RICTOR: variants seen among roughly 807,000 people sequenced by gnomAD.
The protein encoded by RICTOR is rapamycin-insensitive companion of mTOR.
Under a neutral mutation model 214.9 loss-of-function variants are expected in RICTOR, and 49 were observed. The observed-to-expected ratio is 0.23, with a 90% CI of 0.18 to 0.29. RICTOR has a LOEUF of 0.29. RICTOR is among the 10% of genes least tolerant of loss of function. The probability of loss-of-function intolerance (pLI) is 1.00; values close to 1 mark genes in which losing one functional copy is unlikely to be tolerated. For synonymous variants in RICTOR, 717 were observed against 711.3 expected (o/e 1.01, Z -0.13); for missense variants, 1,625 against 2,047.0 (o/e 0.79, Z 3.98).
intron 2 of RICTOR, among the ~76,000 whole-genome samples, chr5:39,049,312 G>C (rs1219677135): frequency 1.3e-5 from 2 of 151,742 alleles, no homozygotes; most frequent in African/African-American, 4.8e-5. Flanking sequence ...GATATAAAAA[G>C]ACTAAAAATC....
chr5:38,943,175 AT>A (rs1747789501), intron 36 of RICTOR: 1 of 447,438 alleles, frequency 2.2e-6, no homozygotes. Context: ...TTTAAAAAAA[AT>A]GATTATCAAA....
At chr5:38,959,063 A>T in intron 22 of RICTOR, 132 bp downstream of exon 22, 1 of 760,586 alleles carries the variant, frequency 1.3e-6, no homozygotes, top group Non-Finnish European at 2.0e-6. Context: ...AGTTCCTTGG[A>T]GAAACTAAAA....
At position 38,962,357 on chromosome 5, in the gene RICTOR, G is replaced by T; in HGVS notation, c.1673C>A (p.Pro558Gln). The stretch of plus-strand genomic sequence containing the variant: ...TTTATAGTTTCTTAGATTTACATTT[G>T]GCCACTAGAAAAACATAATATGTTA... Reference protein sequence around the residue: ...WNLIGTILKWPNVNLRNYKDE... With the variant: ...WNLIGTILKWQNVNLRNYKDE... Residue 558 changes from proline to glutamine, a missense_variant, in exon 19 of 38, where the codon CCA becomes CAA. By Grantham distance (76) the Pro-to-Gln change is moderately conservative. This residue lies in a region of RICTOR where 1,214 missense variants were observed against 1,470.5 expected (regional missense o/e 0.83). Coordinates refer to ENST00000357387, the MANE Select transcript of RICTOR (RefSeq NM_152756.5). The T allele has an allele frequency of 7.2e-7, 1 of 1,398,056 alleles. No individual in the cohort carries two copies. The highest frequency in any genetic ancestry group is 1.0e-6 in the Non-Finnish European group (1 of 1,000,126). 86.6% of individuals were successfully genotyped at this position (1,398,056 alleles called of 1,614,324 possible). A position where few individuals can be genotyped will look rare whatever the true frequency, so the allele number is the denominator to read the frequency against.
chr5:39,064,052 C>T lies in RICTOR; in HGVS notation c.97+10059G>A, dbSNP rs535844286. On this transcript the variant is annotated intron_variant, in intron 2 of 37. Coordinates refer to ENST00000357387, the MANE Select transcript of RICTOR (RefSeq NM_152756.5). ...GCTGGAAGCCTCTAAAAGAGGAATA[C>T]GAAGAATATACTTATATTTAGGTTC... Among the ~76,000 whole-genome samples, 27 of 152,230 alleles carry T rather than the reference C, an allele frequency of 1.8e-4. No homozygotes were observed. The South Asian group carries it at 5.2e-3, about 29-fold the overall frequency.
At chr5:38,984,780 T>C (rs1190694595) in intron 7 of RICTOR, among the ~76,000 whole-genome samples, 1 of 152,146 alleles carries the variant, frequency 6.6e-6, no homozygotes, top group African/African-American at 2.4e-5. Context: ...ATTTCTTTGA[T>C]AATAAGTGAG....
At chr5:38,954,702 T>C in intron 27 of RICTOR, 72 bp downstream of exon 27, 14 of 927,944 alleles carry the variant, frequency 1.5e-5, no homozygotes, top group Non-Finnish European at 2.3e-5. Flanking sequence ...AAAGGTAATA[T>C]TTTAGCAATG....
chr5:38,998,071 G>C (rs1753308684), intron 5 of RICTOR, among the ~76,000 whole-genome samples: 1 of 151,850 alleles, frequency 6.6e-6, no homozygotes, highest in African/African-American at 2.4e-5. Flanking sequence ...GTTCAAGACT[G>C]GTTAAGGTGA....
chr5:38,999,145 G>A (rs919389267), intron 5 of RICTOR, among the ~76,000 whole-genome samples: 7 of 150,336 alleles, frequency 4.7e-5, no homozygotes, highest in Admixed American at 4.0e-4. Context: ...AAACAGGTAA[G>A]TAGAAACTAA....
intron 8 of RICTOR, chr5:38,981,037 T>C (rs2150059980): frequency 6.6e-6 from 1 of 152,338 alleles, no homozygotes; most frequent in East Asian, 1.9e-4. Context: ...TTATTAGGAC[T>C]ATTATACTAA....
chr5:39,066,781 A>G (rs957266771), intron 2 of RICTOR, among the ~76,000 whole-genome samples: 1 of 152,236 alleles, frequency 6.6e-6, no homozygotes, highest in African/African-American at 2.4e-5. Context: ...AGGTCCCTAC[A>G]GAATGAACAG....
rs1175616361 is a variant in RICTOR at position 39,000,198 on chromosome 5, C to G, written c.392+2337G>C. On this transcript the variant is annotated intron_variant, in intron 5 of 37. Transcript: ENST00000357387. ...TTAAAACAGGCTGAAAAAGAAAACC[C>G]AGCCAGAGAGATCCATTAATGAATT... Among the ~76,000 whole-genome samples the G allele has an allele frequency of 2.0e-5, 3 of 151,748 alleles. No individual in the cohort carries two copies. The East Asian group carries it at 5.8e-4, about 29-fold the overall frequency.
chr5:39,011,247 A>G lies in RICTOR; in HGVS notation c.196-7625T>C, dbSNP rs971721039. On this transcript the variant is annotated intron_variant, in intron 3 of 37. Transcript: ENST00000357387. ...AGCCCCAAGCCTTGGCAATTTACAC[A>G]TGGTGTTGGGCCTGTGGGTGCACAG... Among the ~76,000 whole-genome samples, 9 of 152,306 alleles carry G rather than the reference A, an allele frequency of 5.9e-5. No individual in the cohort carries two copies. The South Asian group carries it at 1.9e-3, about 32-fold the overall frequency.
chr5:39,055,784 G>A (rs1411206450), intron 2 of RICTOR, among the ~76,000 whole-genome samples: 2 of 152,180 alleles, frequency 1.3e-5, no homozygotes, highest in Non-Finnish European at 2.9e-5. Flanking sequence ...GAAGAAAACA[G>A]ATTGGAAAAG....
chr5:39,013,391 C>T (rs1214234680), intron 3 of RICTOR, among the ~76,000 whole-genome samples: 1 of 152,056 alleles, frequency 6.6e-6, no homozygotes, highest in African/African-American at 2.4e-5. Context: ...AATAAATCTA[C>T]ATGACTTTCT....
At chr5:39,030,534 C>T (rs760321406) in intron 2 of RICTOR, among the ~76,000 whole-genome samples, 16 of 152,040 alleles carry the variant, frequency 1.1e-4, no homozygotes, top group Admixed American at 3.3e-4. Context: ...TACTCTAGAG[C>T]GTTATCTGTG....
chr5:38,955,435 G>T (rs1230107828), intron 26 of RICTOR, among the ~76,000 whole-genome samples, 160 bp downstream of exon 26: 1 of 152,026 alleles, frequency 6.6e-6, no homozygotes, highest in African/African-American at 2.4e-5. Context: ...TATCAGTAAG[G>T]ATATTCAACA....
Position 38,962,497 on chromosome 5 carries a change from C to A in RICTOR, c.1656G>T (p.Gly552=), listed in dbSNP as rs1749879918. Residue 552 remains glycine (G), a synonymous_variant, in exon 18 of 38, where the codon GGG becomes GGT. Transcript: ENST00000357387. ...ENLEWNWNLI[G]TILKWPNVNL... is the part of the protein sequence containing the mutation. Reference sequence around the variant, plus strand: ...TATCTTTTCATACCTTAAGAATGGTCCCTATAAGATTCCAATTCCATTCAA... The same window carrying A: ...TATCTTTTCATACCTTAAGAATGGTACCTATAAGATTCCAATTCCATTCAA... 1 of 1,539,580 alleles carries A rather than the reference C, an allele frequency of 6.5e-7. No homozygotes were observed. The highest frequency in any genetic ancestry group is 8.9e-7 in the Non-Finnish European group (1 of 1,122,386).
intron 10 of RICTOR, among the ~76,000 whole-genome samples, chr5:38,973,980 G>A (rs111470423): frequency 6.6e-6 from 1 of 152,158 alleles, no homozygotes; most frequent in African/African-American, 2.4e-5. Flanking sequence ...TGCTTTCAAG[G>A]TTTTAACTTA....
At chr5:38,964,466 T>TA (rs778242118) in intron 16 of RICTOR, among the ~76,000 whole-genome samples, 16 of 151,410 alleles carry the variant, frequency 1.1e-4, no homozygotes, top group South Asian at 8.3e-4. Context: ...TTCATAGACA[T>TA]AAAAAAAAGA....
Sources: gnomAD v4.1 joint callset for allele counts (sites outside exome capture counted in the v4.1 genomes callset) on GRCh38, gnomAD v4.1.1 for gene constraint, gnomAD v4.1.1 regional missense constraint, MANE v1.5 for transcripts, NCBI Gene and HGNC (gene_info 2026-07-23, HGNC 2026-07-21) for gene names.